SRP54: variants seen among roughly 807,000 people sequenced by gnomAD.
The protein encoded by SRP54 is signal recognition particle 54, also known as signal recognition particle subunit SRP54.
Under a neutral mutation model 64.8 loss-of-function variants are expected in SRP54, and 10 were observed. That is an observed-to-expected ratio of 0.15 (90% CI 0.10 to 0.26). The LOEUF is 0.26. Ranked by LOEUF, SRP54 falls within the 10% of genes least tolerant of loss-of-function variation. SRP54 has a pLI of 1.00. For missense variants in SRP54, 325 were observed against 613.7 expected, an observed-to-expected ratio of 0.53 and a Z score of 4.97; for synonymous variants, 193 against 185.6, an observed-to-expected ratio of 1.04 and a Z score of -0.32.
chr14:35,017,496 C>G (rs955900703), intron 11 of SRP54, among the ~76,000 whole-genome samples: 2 of 152,156 alleles, frequency 1.3e-5, no homozygotes, highest in East Asian at 3.9e-4. Context: ...CAACCTTAAT[C>G]CTCTCTTCCA....
chr14:35,027,234 TGG>T (rs1448075975), intron 14 of SRP54, among the ~76,000 whole-genome samples: 1 of 151,850 alleles, frequency 6.6e-6, no homozygotes, highest in Non-Finnish European at 1.5e-5. Context: ...TTCACCACGT[TGG>T]CTAGGCTGGT....
chr14:34,994,057 G>A lies in SRP54; in HGVS notation c.-33-2620G>A, dbSNP rs187398846. 5.2e-3 allele frequency among the ~76,000 whole-genome samples: 792 copies of A among 151,880 alleles called. 11 individuals carry two copies. The highest frequency in any genetic ancestry group is 0.018 in the African/African-American group (766 of 41,418). On this transcript the variant is annotated intron_variant, in intron 1 of 15. Coordinates refer to ENST00000216774, the MANE Select transcript of SRP54 (RefSeq NM_003136.4). ...TTGCCCAGGCTGAGTGCAGTGGCGCGATCTCAGCTCACTGTAACCTCTGCC... is the reference window on the plus strand; with the variant it reads ...TTGCCCAGGCTGAGTGCAGTGGCGCAATCTCAGCTCACTGTAACCTCTGCC...
intron 4 of SRP54, among the ~76,000 whole-genome samples, chr14:35,005,611 G>A (rs2138992528): frequency 6.6e-6 from 1 of 152,024 alleles, no homozygotes; most frequent in South Asian, 2.1e-4. Context: ...GCCCAAGCTG[G>A]TCTCAAACTC....
Position 35,013,805 on chromosome 14 carries a change from C to A in SRP54, c.789C>A (p.Val263=). ...TATATTTTCTTTTTTTTTCCAGAGT[C>A]GCTGCCACAAAAAGTCCGATTATTT... ...HAKGGGALSA[V]AATKSPIIFI... Residue 263 remains valine, a synonymous_variant, in exon 10 of 16, where the codon GTC becomes GTA. Coordinates refer to ENST00000216774, the MANE Select transcript of SRP54 (RefSeq NM_003136.4). The A allele has an allele frequency of 2.5e-6, 4 of 1,604,366 alleles. No individual in the cohort carries two copies. The highest frequency in any genetic ancestry group is 2.5e-6 in the Non-Finnish European group (3 of 1,176,752).
chr14:35,003,326 G>A (rs1046779566), intron 4 of SRP54, among the ~76,000 whole-genome samples: 1 of 151,998 alleles, frequency 6.6e-6, no homozygotes, highest in Admixed American at 6.6e-5. Flanking sequence ...AAACTCCCTG[G>A]TATGAATCAA....
intron 1 of SRP54, among the ~76,000 whole-genome samples, chr14:34,984,408 A>G (rs2043861095): frequency 1.3e-5 from 2 of 152,060 alleles, no homozygotes; most frequent in African/African-American, 4.8e-5. Context: ...CTATAACCCA[A>G]ATGGTCTTCC....
rs759274453 is a variant in SRP54 at position 35,011,657 on chromosome 14, A to G, written c.634A>G (p.Ile212Val). The G allele has an allele frequency of 1.3e-6, 2 of 1,547,236 alleles. No homozygotes were observed. The highest frequency in any genetic ancestry group is 8.8e-7 in the Non-Finnish European group (1 of 1,140,970). Residue 212 changes from isoleucine to valine, a missense_variant and splice_region_variant, in exon 8 of 16, where the codon ATA becomes GTA. By Grantham distance (29) the Ile-to-Val change is conservative. Coordinates refer to ENST00000216774, the MANE Select transcript of SRP54 (RefSeq NM_003136.4). The stretch of plus-strand genomic sequence containing the variant: ...AGAAATGCTTCAAGTTGCTAATGCT[A>G]TAGTAAGTAGCTTTCAATGTAACAC... The part of the protein sequence containing the change: ...FEEMLQVANA[I>V]QPDNIVYVMD...
At chr14:34,994,276 G>A (rs746873957) in intron 1 of SRP54, among the ~76,000 whole-genome samples, 8 of 152,154 alleles carry the variant, frequency 5.3e-5, no homozygotes, top group Non-Finnish European at 1.2e-4. Context: ...TGGGATTACA[G>A]GCGTGAGCCA....
intron 14 of SRP54, among the ~76,000 whole-genome samples, chr14:35,025,972 C>T (rs2044614060): frequency 6.6e-6 from 1 of 150,776 alleles, no homozygotes; most frequent in Non-Finnish European, 1.5e-5. Flanking sequence ...AGGAGGATCC[C>T]ATGAGCCCAG....
chr14:35,008,882 AG>A, intron 7 of SRP54, 51 bp downstream of exon 7: 1 of 990,314 alleles, frequency 1.0e-6, no homozygotes, highest in Non-Finnish European at 1.4e-6. Context: ...CTTGTCTGTC[AG>A]CTTTTTTTTT....
At chr14:35,000,301 C>G (rs936340799) in intron 3 of SRP54, among the ~76,000 whole-genome samples, 3 of 152,164 alleles carry the variant, frequency 2.0e-5, no homozygotes, top group African/African-American at 7.2e-5. Context: ...GGCGCAGTAG[C>G]TCACGCCTGT....
At chr14:34,994,576 C>T (rs1443304889) in intron 1 of SRP54, among the ~76,000 whole-genome samples, 2 of 152,104 alleles carry the variant, frequency 1.3e-5, no homozygotes, top group Non-Finnish European at 2.9e-5. Context: ...GCTCAGTGAT[C>T]CATAAGTACA....
In SRP54 at chr14:34,996,693, A is replaced by G; in HGVS notation, c.-17A>G. On this transcript the variant is annotated 5_prime_UTR_variant, in exon 2 of 16. Coordinates refer to ENST00000216774, the MANE Select transcript of SRP54 (RefSeq NM_003136.4). ...CTGCTGTAGAGTTCTTCGTAAGTAC[A>G]TCTTAAAGCTGTCAAGATGGTTCTA... is the stretch of plus-strand genomic sequence containing the variant. 3.7e-6 allele frequency: 6 copies of G among 1,601,012 alleles called. No homozygotes were observed.
rs1325993348 is a variant in SRP54 at position 35,012,260 on chromosome 14, T to A, written c.636+601T>A. Among the ~76,000 whole-genome samples, 8 of 151,964 alleles carry A rather than the reference T, an allele frequency of 5.3e-5. 1 individual carries two copies. Among genetic ancestry groups the A allele is most frequent in the Admixed American group, 5.2e-4 (8 of 15,244 alleles). On this transcript the variant is annotated intron_variant, in intron 8 of 15. Transcript: ENST00000216774. ...AAATTAGTAATTAGCCTTTAGTTTC[T>A]GTTGAATTTCCTTTTTAAAAATTCA...
chr14:35,002,443 CTT>C (rs754182261), intron 4 of SRP54, among the ~76,000 whole-genome samples: 10 of 144,668 alleles, frequency 6.9e-5, no homozygotes, highest in Admixed American at 1.4e-4. Context: ...TGAATATTTT[CTT>C]TTTTTTTTTT....
intron 1 of SRP54, among the ~76,000 whole-genome samples, chr14:34,991,575 G>T (rs1471682264): frequency 6.6e-6 from 1 of 151,774 alleles, no homozygotes; most frequent in Non-Finnish European, 1.5e-5. Context: ...ATTGAGAAAT[G>T]GCATCTGGAC....
Position 35,016,843 on chromosome 14 carries a change from TTC to T in SRP54, c.974-1847_974-1846del, listed in dbSNP as rs373239357. ...TGTCTCTTTGCCCCTTTTTTTTCTT[TTC>T]TTTTTTTTTTTTTTTCTTCTTTTTT... On this transcript the variant is annotated intron_variant, in intron 11 of 15. Coordinates refer to ENST00000216774, the MANE Select transcript of SRP54 (RefSeq NM_003136.4). Among the ~76,000 whole-genome samples the T allele has an allele frequency of 1.7e-3, 23 of 13,848 alleles. 1 individual carries two copies. Among genetic ancestry groups the T allele is most frequent in the South Asian group, 3.2e-3 (1 of 314 alleles). The allele number at this position is 13,848 out of a possible 152,430, so 9.1% of individuals were successfully genotyped here.
intron 1 of SRP54, among the ~76,000 whole-genome samples, chr14:34,994,945 T>C (rs1425799507): frequency 2.7e-5 from 4 of 146,514 alleles, no homozygotes; most frequent in Non-Finnish European, 6.0e-5. Flanking sequence ...TTTTTTTTTT[T>C]TTTTTTTTTT....
At chr14:35,021,280 A>G (rs1248841210) in intron 13 of SRP54, among the ~76,000 whole-genome samples, 1 of 152,192 alleles carries the variant, frequency 6.6e-6, no homozygotes. Flanking sequence ...TAGAAGAGTC[A>G]GAGGTGGATA....
Sources: gnomAD v4.1 joint callset for allele counts (sites outside exome capture counted in the v4.1 genomes callset) on GRCh38, gnomAD v4.1.1 for gene constraint, MANE v1.5 for transcripts, NCBI Gene and HGNC (gene_info 2026-07-23, HGNC 2026-07-21) for gene names.